The following TMEM67 variants were observed in gnomAD, a reference collection of about 807,000 sequenced individuals.
The protein encoded by TMEM67 is meckelin.
Under a neutral mutation model 136.6 loss-of-function variants are expected in TMEM67, and 124 were observed. The observed-to-expected ratio is 0.91, with a 90% CI of 0.78 to 1.05. TMEM67 has a LOEUF of 1.05. Ranked by LOEUF, TMEM67 falls within the 50% of genes least tolerant of loss-of-function variation. TMEM67 has a pLI of 0.00. For synonymous variants in TMEM67, 364 were observed against 390.5 expected (o/e 0.93, Z 0.80); for missense variants, 1,107 against 1,178.4 (o/e 0.94, Z 0.89).
At chr8:93,775,948 G>C (rs573702065) in intron 7 of TMEM67, among the ~76,000 whole-genome samples, 1 of 152,084 alleles carries the variant, frequency 6.6e-6, no homozygotes, top group South Asian at 2.1e-4. Flanking sequence ...TGAGGCAGTA[G>C]GGCCATTTTC....
chr8:93,803,271 A>T (rs1210745528), intron 21 of TMEM67, among the ~76,000 whole-genome samples: 1 of 152,176 alleles, frequency 6.6e-6, no homozygotes, highest in African/African-American at 2.4e-5. Context: ...TTGCAAACCC[A>T]AACATAAATC....
intron 12 of TMEM67, chr8:93,785,764 T>C (rs1482123084): frequency 4.8e-6 from 1 of 207,902 alleles, no homozygotes; most frequent in Non-Finnish European, 9.6e-6. Context: ...TCCAAATTTA[T>C]GAAAAGTTCA....
At chr8:93,757,360 G>A (rs998855152) in intron 2 of TMEM67, among the ~76,000 whole-genome samples, 5 of 151,604 alleles carry the variant, frequency 3.3e-5, no homozygotes, top group Admixed American at 2.6e-4. Context: ...TTACTAGGCC[G>A]GGCGCGGTGG....
At chr8:93,801,807 C>A (rs1002436432) in intron 21 of TMEM67, among the ~76,000 whole-genome samples, 1 of 152,034 alleles carries the variant, frequency 6.6e-6, no homozygotes, top group African/African-American at 2.4e-5. Context: ...GAGACTTACT[C>A]AAACTTGAAA....
At chr8:93,805,730 T>C (rs1403456535) in intron 23 of TMEM67, among the ~76,000 whole-genome samples, 1 of 152,192 alleles carries the variant, frequency 6.6e-6, no homozygotes, top group Non-Finnish European at 1.5e-5. Context: ...TTCCTCCTTA[T>C]AGAAGAAAGT....
downstream of TMEM67, chr8:93,818,876 C>T (rs944556777): frequency 6.7e-5 from 21 of 312,940 alleles, no homozygotes; most frequent in African/African-American, 3.8e-4. Context: ...GATTTTGGCC[C>T]ACTCTAACCT....
chr8:93,795,827 C>T lies in TMEM67; in HGVS notation c.1774-74C>T, dbSNP rs950797328. 4.2e-5 allele frequency: 53 copies of T among 1,261,768 alleles called. 1 individual carries two copies. Among genetic ancestry groups the T allele is most frequent in the South Asian group, 2.1e-4 (16 of 77,240 alleles). The allele number at this position is 1,261,768 out of a possible 1,614,324, so 78.2% of individuals were successfully genotyped here. A position where few individuals can be genotyped will look rare whatever the true frequency, so the allele number is the denominator to read the frequency against. On this transcript the variant is annotated intron_variant, in intron 17 of 27. Coordinates refer to ENST00000453321, the MANE Select transcript of TMEM67 (RefSeq NM_153704.6). ...CTCCTTTCCCAAAAAAAAACAAAAA[C>T]GAAAACAAAAAACAAACAAACAAAC...
Position 93,762,922 on chromosome 8 carries a change from CTTTT to C in TMEM67, c.407-918_407-915del, listed in dbSNP as rs765883879. ...GATGCTCTGTTAGATTTACCTGATT[CTTTT>C]TGTTTGTTTGTTTTTTGAAACAGGG... On this transcript the variant is annotated intron_variant, in intron 3 of 27. Coordinates refer to ENST00000453321, the MANE Select transcript of TMEM67 (RefSeq NM_153704.6). The C allele has an allele frequency of 4.8e-5, 21 of 439,900 alleles. No individual in the cohort carries two copies. In the East Asian group the frequency reaches 1.5e-3, roughly 32 times the overall value. 27.2% of individuals were successfully genotyped at this position (439,900 alleles called of 1,614,324 possible).
At chr8:93,814,524 A>G (rs550026034) in intron 26 of TMEM67, among the ~76,000 whole-genome samples, 2 of 150,634 alleles carry the variant, frequency 1.3e-5, no homozygotes, top group Non-Finnish European at 3.0e-5. Context: ...GCAGTGGTGC[A>G]ATCATATTAA....
chr8:93,765,257 A>G, intron 4 of TMEM67, 149 bp from the exon 5 acceptor site: 1 of 660,954 alleles, frequency 1.5e-6, no homozygotes, highest in South Asian at 2.0e-5. Flanking sequence ...AACTATTCAA[A>G]TCAGTGTTAT....
At chr8:93,786,400 T>A in intron 13 of TMEM67, 54 bp downstream of exon 13, 1 of 1,585,332 alleles carries the variant, frequency 6.3e-7, no homozygotes, top group South Asian at 1.1e-5. Flanking sequence ...ATGGAAGTGT[T>A]TGCCAGTCAT....
At chr8:93,760,048 A>G in intron 3 of TMEM67, 1 of 1,314,064 alleles carries the variant, frequency 7.6e-7, no homozygotes, top group Non-Finnish European at 1.0e-6. Context: ...TGCATTCTTT[A>G]TTTTTGGATG....
chr8:93,824,290 T>C, the TMEM67 span, among the ~76,000 whole-genome samples: 1 of 152,240 alleles, frequency 6.6e-6, no homozygotes, highest in South Asian at 2.1e-4. Flanking sequence ...TGGCTTTCCA[T>C]ATATTCTTTC....
At chr8:93,766,758 A>G (rs917753871) in intron 6 of TMEM67, among the ~76,000 whole-genome samples, 3 of 152,078 alleles carry the variant, frequency 2.0e-5, no homozygotes, top group Admixed American at 2.0e-4. Flanking sequence ...ATCTTGATGA[A>G]TGAGGCAAAA....
At position 93,809,807 on chromosome 8, in the gene TMEM67, T is replaced by A. The variant is rs1808622842; in HGVS notation, c.2684T>A (p.Phe895Tyr). The change falls in exon 26 of 28, where the codon TTT becomes TAT. Residue 895 changes from phenylalanine to tyrosine, a missense_variant. Phe to Tyr is a conservative substitution (Grantham distance 22, BLOSUM62 3). Around this residue, in one of 3 missense-constraint regions of TMEM67, gnomAD observed 925 missense variants for 1,002.4 expected, o/e 0.92. Transcript: ENST00000453321. ...IDHVHKEMDYFIKDKLLLERI... is the reference protein window; with the variant it reads ...IDHVHKEMDYYIKDKLLLERI... ...TAGGTTCATAAGGAAATGGATTACT[T>A]TATAAAAGATAAGTTGCTTCTTGAA... The A allele has an allele frequency of 6.3e-7, 1 of 1,594,636 alleles. No homozygotes were observed. Among genetic ancestry groups the A allele is most frequent in the African/African-American group, 1.3e-5 (1 of 74,500 alleles).
In TMEM67 at chr8:93,790,801, C is replaced by T. The variant is rs117137770; in HGVS notation, c.1519-462C>T. Among the ~76,000 whole-genome samples, 76 of 152,310 alleles carry T rather than the reference C, an allele frequency of 5.0e-4. 1 individual carries two copies. In the East Asian group the frequency reaches 9.1e-3, roughly 18 times the overall value. On this transcript the variant is annotated intron_variant, in intron 14 of 27. Transcript: ENST00000453321. ...TGGTAAGACTTAGGTATCTTCCTCT[C>T]CTACCCCTCACAGTCCTCTTCTCTG...
intron 14 of TMEM67, among the ~76,000 whole-genome samples, chr8:93,789,666 ATATAT>A (rs1406366373): frequency 3.5e-5 from 1 of 28,650 alleles, no homozygotes; most frequent in African/African-American, 6.1e-5. Context: ...ATATATATAT[ATATAT>A]TTTTTTTTTA....
intron 7 of TMEM67, 106 bp from the exon 8 acceptor site, chr8:93,780,487 A>T: frequency 8.1e-7 from 1 of 1,239,232 alleles, no homozygotes; most frequent in Non-Finnish European, 1.2e-6. Flanking sequence ...AGCTGTTCCT[A>T]CTCGGCCATC....
chr8:93,777,356 T>G (rs1252640126), intron 7 of TMEM67, among the ~76,000 whole-genome samples: 2 of 152,202 alleles, frequency 1.3e-5, no homozygotes, highest in East Asian at 3.8e-4. Context: ...TCTCTTTCAG[T>G]TCTCCTCTGG....
Sources: allele counts gnomAD v4.1 joint callset (sites outside exome capture counted in the v4.1 genomes callset), GRCh38; gene constraint gnomAD v4.1.1; regional missense constraint gnomAD v4.1.1; transcripts MANE v1.5; gene names NCBI Gene and HGNC (gene_info 2026-07-23, HGNC 2026-07-21).